Variants in CAST observed in about 807,000 individuals in gnomAD.
CAST encodes the protein calpastatin, also known as MIR583 host.
Under a neutral mutation model 119.6 loss-of-function variants are expected in CAST, and 76 were observed. That is an observed-to-expected ratio of 0.64 (90% CI 0.53 to 0.77). The LOEUF (loss-of-function observed/expected upper bound fraction) is 0.77, where lower values mean the gene tolerates loss of function less well. Among genes scored for constraint, CAST ranks in the 30% least tolerant of loss-of-function variants. CAST has a pLI of 0.00. For synonymous variants in CAST, 319 were observed against 331.6 expected (o/e 0.96, Z 0.41); for missense variants, 953 against 946.5 (o/e 1.01, Z -0.09).
intron 1 of CAST, among the ~76,000 whole-genome samples, chr5:96,651,086 AG>A (rs1748089392): frequency 6.6e-6 from 1 of 152,212 alleles, no homozygotes; most frequent in South Asian, 2.1e-4. Flanking sequence ...ATAAAACAAC[AG>A]ACCCAAACAG....
the CAST span, among the ~76,000 whole-genome samples, chr5:96,251,170 T>C: frequency 3.9e-5 from 6 of 152,212 alleles, no homozygotes; most frequent in African/African-American, 7.2e-5. Flanking sequence ...CTTTCTGTTC[T>C]GCACTGTAAA....
At chr5:96,480,153 T>A in the CAST span, among the ~76,000 whole-genome samples, 2 of 152,198 alleles carry the variant, frequency 1.3e-5, no homozygotes, top group Admixed American at 1.3e-4. Flanking sequence ...GAAAGATGAT[T>A]CTATCTGTAG....
the CAST span, among the ~76,000 whole-genome samples, chr5:96,054,848 G>C: frequency 3.3e-5 from 5 of 152,242 alleles, no homozygotes; most frequent in South Asian, 1.0e-3. Context: ...GGAGGTAGAA[G>C]GCCTGGTGTG....
At chr5:96,381,061 G>GC in the CAST span, among the ~76,000 whole-genome samples, 1 of 152,134 alleles carries the variant, frequency 6.6e-6, no homozygotes, top group Non-Finnish European at 1.5e-5. Flanking sequence ...TTGTGAAGCT[G>GC]CCTTTTCTTC....
chr5:96,629,353 C>G (rs1747780831), intron 1 of CAST, among the ~76,000 whole-genome samples: 1 of 152,062 alleles, frequency 6.6e-6, no homozygotes, highest in African/African-American at 2.4e-5. Context: ...TATAAATTCC[C>G]CAGCTGGTGT....
chr5:96,066,684 A>T, the CAST span, among the ~76,000 whole-genome samples: 1 of 152,020 alleles, frequency 6.6e-6, no homozygotes, highest in Admixed American at 6.6e-5. Context: ...TTTAGAGACA[A>T]GATCTAACTC....
rs771808417 is a variant in CAST at position 96,675,561 on chromosome 5, A to G, written c.98A>G (p.Glu33Gly). The G allele has an allele frequency of 5.0e-6, 8 of 1,613,540 alleles. No individual in the cohort carries two copies. The highest frequency in any genetic ancestry group is 1.7e-5 in the Admixed American group (1 of 60,016). The change falls in exon 2 of 32, where the codon GAA becomes GGA. Residue 33 changes from glutamate to glycine, a missense_variant. Transcript: ENST00000675179. ...TAGCATGTCAGTGAAAAAACCAGTG[A>G]ATCGCCTTCCAAACCAGGAGAAAAG... is the stretch of plus-strand genomic sequence containing the variant. ...THEHVSEKTS[E>G]SPSKPGEKKG...
chr5:96,114,212 T>A, the CAST span, among the ~76,000 whole-genome samples: 1 of 152,112 alleles, frequency 6.6e-6, no homozygotes, highest in Non-Finnish European at 1.5e-5. Flanking sequence ...GGAGAGATAG[T>A]AGAAGCAGAG....
chr5:96,252,256 A>G, the CAST span, among the ~76,000 whole-genome samples: 2 of 152,174 alleles, frequency 1.3e-5, no homozygotes, highest in Admixed American at 1.3e-4. Context: ...ATGCATTTTT[A>G]CTATTACCTC....
the CAST span, among the ~76,000 whole-genome samples, chr5:96,441,405 G>A: frequency 2.9e-4 from 44 of 152,144 alleles, no homozygotes; most frequent in African/African-American, 9.9e-4. Flanking sequence ...GAGAGCCAGA[G>A]CAAGTTTTAT....
the CAST span, among the ~76,000 whole-genome samples, chr5:96,187,925 C>T: frequency 3.3e-5 from 5 of 152,166 alleles, no homozygotes; most frequent in Non-Finnish European, 7.4e-5. Flanking sequence ...CTTAGTTAAG[C>T]TGAAAACAAA....
chr5:96,527,602 G>A (rs984851405), upstream of CAST, among the ~76,000 whole-genome samples: 15 of 152,128 alleles, frequency 9.9e-5, no homozygotes, highest in South Asian at 6.2e-4. Context: ...TGTCAGTATC[G>A]TTAAGAAAAC....
chr5:96,303,924 CTT>C, the CAST span, among the ~76,000 whole-genome samples: 2 of 152,086 alleles, frequency 1.3e-5, no homozygotes, highest in Non-Finnish European at 2.9e-5. Context: ...GTGCTTAAGT[CTT>C]TATAGTAGAA....
At chr5:96,249,168 A>T in the CAST span, among the ~76,000 whole-genome samples, 93 of 152,242 alleles carry the variant, frequency 6.1e-4, no homozygotes, top group Admixed American at 6.1e-3. Flanking sequence ...AGAAGAAAAT[A>T]TTGGTGGAGA....
At chr5:96,374,237 G>A in the CAST span, among the ~76,000 whole-genome samples, 2 of 152,094 alleles carry the variant, frequency 1.3e-5, no homozygotes, top group Non-Finnish European at 2.9e-5. Context: ...GATTCAAAAC[G>A]TCCTCCCTCT....
At chr5:96,685,285 G>A (rs1231595065) in intron 2 of CAST, among the ~76,000 whole-genome samples, 1 of 152,064 alleles carries the variant, frequency 6.6e-6, no homozygotes, top group African/African-American at 2.4e-5. Context: ...AAACCTCATG[G>A]ACAGATGGAT....
chr5:96,535,298 G>A (rs368235139), intron 1 of CAST, among the ~76,000 whole-genome samples: 1 of 152,128 alleles, frequency 6.6e-6, no homozygotes, highest in Non-Finnish European at 1.5e-5. Flanking sequence ...TTGGCACAGC[G>A]AATACTGAAA....
chr5:96,324,016 A>G, the CAST span, among the ~76,000 whole-genome samples: 1 of 152,112 alleles, frequency 6.6e-6, no homozygotes, highest in Non-Finnish European at 1.5e-5. Context: ...CTAAAATGTT[A>G]TAGGACATGA....
chr5:96,277,947 C>A, the CAST span, among the ~76,000 whole-genome samples: 1 of 152,076 alleles, frequency 6.6e-6, no homozygotes. Flanking sequence ...AGAAATTAAC[C>A]ATCCCCCTTC....
Sources: gnomAD v4.1 joint callset for allele counts (sites outside exome capture counted in the v4.1 genomes callset) on GRCh38, gnomAD v4.1.1 for gene constraint, MANE v1.5 for transcripts, NCBI Gene and HGNC (gene_info 2026-07-23, HGNC 2026-07-21) for gene names.